Variants in SP140L observed in about 807,000 individuals in gnomAD.
SP140L encodes the protein SP140 like nuclear body protein, also known as nuclear body protein SP140-like protein.
SP140L carries 64 observed loss-of-function variants against 84.3 expected under a neutral mutation model. The observed-to-expected ratio is 0.76, with a 90% CI of 0.62 to 0.94. The LOEUF (loss-of-function observed/expected upper bound fraction) is 0.94. Ranked by LOEUF, SP140L falls within the 40% of genes least tolerant of loss-of-function variation. The probability of loss-of-function intolerance (pLI) is 0.00; values close to 1 mark genes in which losing one functional copy is unlikely to be tolerated. For missense variants in SP140L, 628 were observed against 692.5 expected, an observed-to-expected ratio of 0.91 and a Z score of 1.05; for synonymous variants, 242 against 236.9, an observed-to-expected ratio of 1.02 and a Z score of -0.20.
rs1427474969 is a variant in SP140L at position 230,388,599 on chromosome 2, T to G, written c.825T>G (p.Ser275Arg). 2.5e-6 allele frequency: 4 copies of G among 1,609,766 alleles called. No individual in the cohort carries two copies. Among genetic ancestry groups the G allele is most frequent in the Non-Finnish European group, 3.4e-6 (4 of 1,178,786 alleles). The change falls in exon 10 of 19, where the codon AGT (serine) becomes AGG (arginine). Residue 275 changes from serine (S) to arginine (R), a missense_variant. Around this residue, in one of 4 missense-constraint regions of SP140L, gnomAD observed 525 missense variants for 518.4 expected, o/e 1.01. Coordinates refer to ENST00000415673, the MANE Select transcript of SP140L (RefSeq NM_138402.6). ...AACCTGGAACCCACTTTACTCAGAG[T>G]GACAGAGCTCCACAGAAAAGAGTCC... is the stretch of plus-strand genomic sequence containing the variant. ...RGKPGTHFTQ[S>R]DRAPQKRVRS...
At chr2:230,368,502 A>C (rs1338406693) in intron 5 of SP140L, among the ~76,000 whole-genome samples, 2 of 152,052 alleles carry the variant, frequency 1.3e-5, no homozygotes, top group African/African-American at 2.4e-5. Flanking sequence ...TTTTCATCAG[A>C]TTTGCAAAGT....
At chr2:230,358,907 G>A in intron 3 of SP140L, 57 bp from the exon 4 acceptor site, 10 of 1,425,662 alleles carry the variant, frequency 7.0e-6, no homozygotes, top group Non-Finnish European at 9.4e-6. Flanking sequence ...TGTTTTTATG[G>A]CTCTTCTGTA....
rs370076200 is a variant in SP140L at position 230,348,120 on chromosome 2, C to A, written c.108-9685C>A. Among the ~76,000 whole-genome samples the A allele has an allele frequency of 3.3e-5, 5 of 152,338 alleles. No homozygotes were observed. In the East Asian group the frequency reaches 5.8e-4, roughly 18 times the overall value. On this transcript the variant is annotated intron_variant, in intron 2 of 18. Coordinates refer to ENST00000415673, the MANE Select transcript of SP140L (RefSeq NM_138402.6). ...TTTTCCCCACTGGAGAAACTTTGGG[C>A]TCAGGAAAACCCTCTTGATATGGCA...
At chr2:230,376,897 C>T (rs781706228) in intron 7 of SP140L, among the ~76,000 whole-genome samples, 4 of 152,054 alleles carry the variant, frequency 2.6e-5, no homozygotes, top group Admixed American at 6.6e-5. Flanking sequence ...ATAGGGAACC[C>T]GGAAATAAAC....
intron 2 of SP140L, among the ~76,000 whole-genome samples, chr2:230,336,322 G>A (rs537972297): frequency 2.6e-5 from 4 of 152,252 alleles, no homozygotes; most frequent in South Asian, 2.1e-4. Flanking sequence ...AATCTAGAAC[G>A]TCTAAATTGT....
At chr2:230,344,712 T>C (rs942253648) in intron 2 of SP140L, among the ~76,000 whole-genome samples, 1 of 152,250 alleles carries the variant, frequency 6.6e-6, no homozygotes, top group African/African-American at 2.4e-5. Context: ...GTTTTCATTT[T>C]TGTTTGCCTC....
At chr2:230,385,133 A>C in intron 8 of SP140L, 91 bp from the exon 9 acceptor site, 692 of 1,278,872 alleles carry the variant, frequency 5.4e-4, no homozygotes, top group Non-Finnish European at 7.0e-4. Flanking sequence ...TCCAGAGTGA[A>C]ACCCAGGACT....
At chr2:230,348,115 T>C (rs949347641) in intron 2 of SP140L, among the ~76,000 whole-genome samples, 5 of 152,218 alleles carry the variant, frequency 3.3e-5, no homozygotes, top group African/African-American at 7.2e-5. Context: ...TGGAGAAACT[T>C]TGGGCTCAGG....
intron 2 of SP140L, among the ~76,000 whole-genome samples, chr2:230,354,870 AAAGAAAG>A (rs1236606769): frequency 7.1e-6 from 1 of 139,892 alleles, no homozygotes; most frequent in African/African-American, 2.7e-5. Flanking sequence ...AGAAAGAAAG[AAAGAAAG>A]AAAGAAAGAA....
rs192736671 is a variant in SP140L, at chr2:230,328,352, T to C, written c.33-405T>C. On this transcript the variant is annotated intron_variant, in intron 1 of 18. Transcript: ENST00000415673. Reference sequence around the variant, plus strand: ...TCATATTTTTCGATGCATTTACGTGTATGAAGTATGTTTTTGTAAACATAT... The same window carrying C: ...TCATATTTTTCGATGCATTTACGTGCATGAAGTATGTTTTTGTAAACATAT... 4.6e-3 allele frequency among the ~76,000 whole-genome samples: 703 copies of C among 152,360 alleles called. 13 individuals are homozygous for C. The South Asian group carries it at 0.053, about 11-fold the overall frequency.
chr2:230,328,786 C>CCCCCT lies in SP140L; in HGVS notation c.62_63insCCCCT (p.Asn22ProfsTer2). Reference sequence around the variant, plus strand: ...CTGAACGGAGGTGTTTCACAAGTAGCAAATGAGATGAACCATCTTCCTGCA... The same window carrying CCCCCT: ...CTGAACGGAGGTGTTTCACAAGTAGCCCCCTAAATGAGATGAACCATCTTCCTGCA... On this transcript the variant is annotated frameshift_variant, in exon 2 of 19. Transcript: ENST00000415673. LOFTEE classifies it high-confidence loss of function. The CCCCCT allele has an allele frequency of 6.2e-7, 1 of 1,612,746 alleles. No homozygotes were observed. The highest frequency in any genetic ancestry group is 8.5e-7 in the Non-Finnish European group (1 of 1,179,244).
At chr2:230,370,522 A>C (rs1179635582) in intron 5 of SP140L, among the ~76,000 whole-genome samples, 3 of 152,222 alleles carry the variant, frequency 2.0e-5, no homozygotes, top group Admixed American at 6.5e-5. Context: ...AAAATAAAAT[A>C]ACTTTTTTGT....
chr2:230,396,539 T>A (rs6747181), intron 13 of SP140L, among the ~76,000 whole-genome samples: 1,888 of 152,178 alleles, frequency 0.012, 43 homozygotes, highest in African/African-American at 0.043. Flanking sequence ...TGGTAAATTC[T>A]CTAGTTTCAT....
intron 5 of SP140L, among the ~76,000 whole-genome samples, chr2:230,368,831 C>A (rs1449715870): frequency 6.6e-6 from 1 of 152,066 alleles, no homozygotes; most frequent in Non-Finnish European, 1.5e-5. Flanking sequence ...TGTTAAATTT[C>A]TCATTTTGGT....
At chr2:230,390,061 C>G in intron 11 of SP140L, 38 bp downstream of exon 11, 1 of 1,533,300 alleles carries the variant, frequency 6.5e-7, no homozygotes, top group Non-Finnish European at 9.0e-7. Context: ...CAGCTCCTAT[C>G]TGAAGGCATC....
chr2:230,366,291 G>A (rs2060867026), intron 5 of SP140L, among the ~76,000 whole-genome samples: 1 of 151,944 alleles, frequency 6.6e-6, no homozygotes, highest in African/African-American at 2.4e-5. Flanking sequence ...TATATATTTG[G>A]TTGCTCAGAT....
intron 5 of SP140L, among the ~76,000 whole-genome samples, chr2:230,369,808 C>T (rs993906671): frequency 6.6e-6 from 1 of 152,240 alleles, no homozygotes; most frequent in African/African-American, 2.4e-5. Flanking sequence ...CTCTCTCTGT[C>T]ACCCAGACTG....
rs1406827318 is a variant in SP140L, at chr2:230,402,966, A to G, written c.*70A>G. On this transcript the variant is annotated 3_prime_UTR_variant, in exon 19 of 19. Coordinates refer to ENST00000415673, the MANE Select transcript of SP140L (RefSeq NM_138402.6). ...TTGCCACTGACTTCAAACTGAGAGC[A>G]CTTGGGAAATAGCACATGCAGGGAG... 7.7e-7 allele frequency: 1 copy of G among 1,300,616 alleles called. No individual in the cohort carries two copies. The allele number at this position is 1,300,616 out of a possible 1,614,324, so 80.6% of individuals were successfully genotyped here.
At chr2:230,369,899 A>G (rs1362809480) in intron 5 of SP140L, among the ~76,000 whole-genome samples, 1 of 152,042 alleles carries the variant, frequency 6.6e-6, no homozygotes. Flanking sequence ...TCAGCCTCCC[A>G]AGTAGCTGGG....
Sources: gnomAD v4.1 joint callset for allele counts (sites outside exome capture counted in the v4.1 genomes callset) on GRCh38, gnomAD v4.1.1 for gene constraint, gnomAD v4.1.1 regional missense constraint, MANE v1.5 for transcripts, NCBI Gene and HGNC (gene_info 2026-07-23, HGNC 2026-07-21) for gene names.